Variants in ADARB2 observed in about 807,000 individuals in gnomAD.
ADARB2 encodes inactive double-stranded RNA-specific editase B2.
A neutral mutation model predicts 62.2 loss-of-function variants in ADARB2; 25 were observed. The observed-to-expected ratio is 0.40, with a 90% CI of 0.29 to 0.56. The LOEUF (loss-of-function observed/expected upper bound fraction) is 0.56. Among genes scored for constraint, ADARB2 ranks in the 20% least tolerant of loss-of-function variants. The pLI, the probability that ADARB2 is intolerant of heterozygous loss-of-function variation, is 0.43. For synonymous variants in ADARB2, 572 were observed against 500.8 expected (o/e 1.14, Z -1.90); for missense variants, 1,071 against 1,077.4 (o/e 0.99, Z 0.08).
At chr10:1,303,436 C>T (rs2131818733) in intron 3 of ADARB2, among the ~76,000 whole-genome samples, 1 of 152,172 alleles carries the variant, frequency 6.6e-6, no homozygotes, top group South Asian at 2.1e-4. Context: ...AGAATGGAAC[C>T]AAGTTGGAAA....
intron 1 of ADARB2, among the ~76,000 whole-genome samples, chr10:1,615,931 C>G (rs1254089779): frequency 6.6e-6 from 1 of 152,196 alleles, no homozygotes; most frequent in African/African-American, 2.4e-5. Context: ...GAAACTGTGA[C>G]CCCTAAATAA....
chr10:1,682,532 C>G (rs1481857483), intron 1 of ADARB2, among the ~76,000 whole-genome samples: 2 of 152,212 alleles, frequency 1.3e-5, no homozygotes, highest in Non-Finnish European at 2.9e-5. Flanking sequence ...TGCTTCATCC[C>G]CTCGGTTGGC....
At chr10:1,218,293 C>T (rs752719698) in intron 6 of ADARB2, among the ~76,000 whole-genome samples, 13 of 152,094 alleles carry the variant, frequency 8.5e-5, no homozygotes, top group Non-Finnish European at 1.6e-4. Flanking sequence ...TCAGGTGATC[C>T]GCCCACCTCC....
chr10:1,198,189 G>A (rs943561288), intron 8 of ADARB2, among the ~76,000 whole-genome samples: 1 of 152,224 alleles, frequency 6.6e-6, no homozygotes, highest in Non-Finnish European at 1.5e-5. Context: ...CCGTGACTGT[G>A]TGAGTAAGGG....
intron 1 of ADARB2, among the ~76,000 whole-genome samples, chr10:1,481,940 A>G (rs1046113477): frequency 6.6e-6 from 1 of 152,204 alleles, no homozygotes; most frequent in Non-Finnish European, 1.5e-5. Flanking sequence ...AAAAGATTTG[A>G]AGAGAGATTT....
At chr10:1,348,828 T>C (rs966005327) in intron 3 of ADARB2, among the ~76,000 whole-genome samples, 2 of 152,198 alleles carry the variant, frequency 1.3e-5, no homozygotes, top group African/African-American at 2.4e-5. Flanking sequence ...GTCCCCTCAG[T>C]GAGCCCAGCA....
intron 1 of ADARB2, among the ~76,000 whole-genome samples, chr10:1,421,668 G>A: frequency 6.6e-6 from 1 of 152,176 alleles, no homozygotes; most frequent in East Asian, 1.9e-4. Context: ...GGCTGCTGTT[G>A]TGGAAGTCAG....
At position 1,512,177 on chromosome 10, in the gene ADARB2, C is replaced by A. The variant is rs1972309; in HGVS notation, c.101-133017G>T. ...CACACTAGATACCAAGACTTTGATA[C>A]TGTCTACACTGGATACCAACATATG... On this transcript the variant is annotated intron_variant, in intron 1 of 9. Transcript: ENST00000381312. Among the ~76,000 whole-genome samples, 1,100 of 152,132 alleles carry A rather than the reference C, an allele frequency of 7.2e-3. 16 individuals carry two copies. Among genetic ancestry groups the A allele is most frequent in the African/African-American group, 0.025 (1,053 of 41,474 alleles).
chr10:1,328,865 G>A (rs1831901403), intron 3 of ADARB2, among the ~76,000 whole-genome samples: 1 of 151,942 alleles, frequency 6.6e-6, no homozygotes, highest in Non-Finnish European at 1.5e-5. Flanking sequence ...GGTGGTGTGT[G>A]TCTGCAGTCC....
intron 1 of ADARB2, among the ~76,000 whole-genome samples, chr10:1,543,751 G>A (rs940735968): frequency 1.3e-5 from 2 of 152,178 alleles, no homozygotes; most frequent in South Asian, 2.1e-4. Flanking sequence ...CTGAGCAGCC[G>A]GGCCTGCGTT....
intron 3 of ADARB2, among the ~76,000 whole-genome samples, chr10:1,331,368 G>A (rs58358801): frequency 0.024 from 3,645 of 152,324 alleles, 84 homozygotes; most frequent in East Asian, 0.11. Context: ...GGATGGATCA[G>A]CTGACAAATG....
chr10:1,370,231 G>A lies in ADARB2; in HGVS notation c.188-6314C>T, dbSNP rs1832356533. 2.0e-5 allele frequency among the ~76,000 whole-genome samples: 3 copies of A among 151,618 alleles called. No homozygotes were observed. The South Asian group carries it at 6.3e-4, about 32-fold the overall frequency. On this transcript the variant is annotated intron_variant, in intron 2 of 9. Coordinates refer to ENST00000381312, the MANE Select transcript of ADARB2 (RefSeq NM_018702.4). ...GGGTCATCTCGACAGATGTATAAAA[G>A]GCATTTGATAAAATCCAACATCCCT...
intron 3 of ADARB2, among the ~76,000 whole-genome samples, chr10:1,282,384 A>T (rs1311654870): frequency 6.6e-6 from 1 of 152,122 alleles, no homozygotes; most frequent in Non-Finnish European, 1.5e-5. Flanking sequence ...AACTGTGTCT[A>T]CTGTGCCACA....
chr10:1,425,910 G>A (rs1279685534), intron 1 of ADARB2, among the ~76,000 whole-genome samples: 1 of 152,192 alleles, frequency 6.6e-6, no homozygotes, highest in East Asian at 1.9e-4. Context: ...GTGGTCAGAG[G>A]AGGATGAGCA....
chr10:1,367,004 G>A (rs1487921143), intron 2 of ADARB2, among the ~76,000 whole-genome samples: 3 of 152,232 alleles, frequency 2.0e-5, no homozygotes, highest in East Asian at 1.9e-4. Flanking sequence ...CATGTGGCCC[G>A]AAAGTCAAGC....
In ADARB2 at chr10:1,254,193, TGTG is replaced by T. The variant is rs372464515; in HGVS notation, c.1193-11897_1193-11895del. Among the ~76,000 whole-genome samples, 411 of 145,066 alleles carry T rather than the reference TGTG, an allele frequency of 2.8e-3. 1 individual carries two copies. The highest frequency in any genetic ancestry group is 0.011 in the African/African-American group (382 of 35,372). ...GACATGGTGGGCTCTGTGGTTAGGA[TGTG>T]GTGGGCTCTGTGGTTAGGATGTGGA... On this transcript the variant is annotated intron_variant, in intron 4 of 9. Transcript: ENST00000381312.
At chr10:1,323,266 A>C (rs1461672756) in intron 3 of ADARB2, among the ~76,000 whole-genome samples, 1 of 150,202 alleles carries the variant, frequency 6.7e-6, no homozygotes, top group Non-Finnish European at 1.5e-5. Context: ...AAAAAAAAAA[A>C]AACACTGTTA....
intron 1 of ADARB2, among the ~76,000 whole-genome samples, chr10:1,447,887 C>A (rs572092654): frequency 5.3e-5 from 8 of 152,254 alleles, no homozygotes; most frequent in Non-Finnish European, 1.0e-4. Flanking sequence ...GCTTCACCCA[C>A]GTTGCTGCAA....
At chr10:1,523,737 T>C (rs1480440698) in intron 1 of ADARB2, among the ~76,000 whole-genome samples, 1 of 152,230 alleles carries the variant, frequency 6.6e-6, no homozygotes, top group Non-Finnish European at 1.5e-5. Flanking sequence ...TAATTCTCTC[T>C]AAAATCTAGT....
Sources: gnomAD v4.1 joint callset for allele counts (sites outside exome capture counted in the v4.1 genomes callset) on GRCh38, gnomAD v4.1.1 for gene constraint, MANE v1.5 for transcripts, NCBI Gene and HGNC (gene_info 2026-07-23, HGNC 2026-07-21) for gene names.